Variants in P2RX7 observed in about 807,000 individuals in gnomAD.
The protein encoded by P2RX7 is purinergic receptor P2X 7.
Under a neutral mutation model 71.6 loss-of-function variants are expected in P2RX7, and 62 were observed. The observed-to-expected ratio is 0.87, with a 90% confidence interval of 0.71 to 1.07. The LOEUF is 1.07. P2RX7 is among the 50% of genes least tolerant of loss of function. The probability of loss-of-function intolerance (pLI) is 0.00; values close to 1 mark genes in which losing one functional copy is unlikely to be tolerated. For missense variants in P2RX7, 686 were observed against 748.5 expected (o/e 0.92, Z 0.97); for synonymous variants, 299 against 283.3 (o/e 1.06, Z -0.56).
intron 3 of P2RX7, among the ~76,000 whole-genome samples, chr12:121,157,168 G>A (rs1005347739): frequency 6.6e-6 from 1 of 152,074 alleles, no homozygotes; most frequent in Non-Finnish European, 1.5e-5. Context: ...GCTGTACCAG[G>A]GACCATTTCC....
At chr12:121,133,704 AC>A (rs1872915127) in intron 1 of P2RX7, among the ~76,000 whole-genome samples, 1 of 152,178 alleles carries the variant, frequency 6.6e-6, no homozygotes, top group Admixed American at 6.5e-5. Flanking sequence ...AAGGAATCCC[AC>A]ACTCCTTCAC....
chr12:121,167,957 C>T (rs533325817), intron 8 of P2RX7, among the ~76,000 whole-genome samples: 10 of 151,780 alleles, frequency 6.6e-5, no homozygotes, highest in South Asian at 2.1e-4. Flanking sequence ...AGATTATAGG[C>T]GGATGCACAC....
chr12:121,178,504 G>A (rs1371438199), intron 11 of P2RX7, among the ~76,000 whole-genome samples: 3 of 152,034 alleles, frequency 2.0e-5, no homozygotes, highest in African/African-American at 7.2e-5. Flanking sequence ...TAAATAATTG[G>A]CCCAAGGCTG....
At chr12:121,180,702 C>T (rs2136161370) in intron 12 of P2RX7, among the ~76,000 whole-genome samples, 1 of 152,194 alleles carries the variant, frequency 6.6e-6, no homozygotes, top group Admixed American at 6.5e-5. Flanking sequence ...GTGGCTCACA[C>T]CTGCAATCCC....
At position 121,154,770 on chromosome 12, in the gene P2RX7, A is replaced by G. The variant is rs778581720; in HGVS notation, c.126-15A>G. 6.3e-7 allele frequency: 1 copy of G among 1,575,346 alleles called. No individual in the cohort carries two copies. Among genetic ancestry groups the G allele is most frequent in the Admixed American group, 1.7e-5 (1 of 59,954 alleles). Reference sequence around the variant, plus strand: ...CTATGCCTCCCGTTGATGCTTTCCCATGTCTGCCATTTAGCTTTGCTCTGG... The same window carrying G: ...CTATGCCTCCCGTTGATGCTTTCCCGTGTCTGCCATTTAGCTTTGCTCTGG... On this transcript the variant is annotated splice_polypyrimidine_tract_variant and intron_variant, in intron 1 of 12. Transcript: ENST00000328963. This position sits in a 1 kb window ranked among gnomAD's most constrained non-coding sequence, Gnocchi z 4.2.
At chr12:121,160,101 C>CA (rs955461415) in intron 3 of P2RX7, among the ~76,000 whole-genome samples, 4 of 149,610 alleles carry the variant, frequency 2.7e-5, no homozygotes, top group Non-Finnish European at 5.9e-5. Flanking sequence ...TTCTTTCTTT[C>CA]TTTTTTTTTC....
intron 9 of P2RX7, among the ~76,000 whole-genome samples, chr12:121,175,870 C>T (rs1311531820): frequency 2.0e-5 from 3 of 152,006 alleles, no homozygotes; most frequent in African/African-American, 7.2e-5. Context: ...TTTTAAGCTA[C>T]AAGCATGGTT....
intron 8 of P2RX7, among the ~76,000 whole-genome samples, chr12:121,172,034 T>C (rs1170216678): frequency 6.6e-6 from 1 of 152,018 alleles, no homozygotes; most frequent in Non-Finnish European, 1.5e-5. Flanking sequence ...GCTAATTTTT[T>C]GCATTTTTAG....
chr12:121,155,797 A>C (rs3886929), intron 2 of P2RX7, among the ~76,000 whole-genome samples: 8,678 of 151,022 alleles, frequency 0.057, 298 homozygotes, highest in Non-Finnish European at 0.081. Context: ...CTGCGTAAAA[A>C]AAAAACAAAA....
At chr12:121,133,906 AAG>A (rs1872951113) in intron 1 of P2RX7, among the ~76,000 whole-genome samples, 1 of 152,030 alleles carries the variant, frequency 6.6e-6, no homozygotes, top group South Asian at 2.1e-4. Context: ...TTTTTTTTTA[AAG>A]AGACGGGGTC....
chr12:121,136,023 A>AATAT (rs1555222078), intron 1 of P2RX7, among the ~76,000 whole-genome samples: 2,050 of 15,292 alleles, frequency 0.13, 314 homozygotes, highest in Non-Finnish European at 0.27. Flanking sequence ...AAAAAAAAAA[A>AATAT]ATATATATAT....
chr12:121,169,156 C>T (rs1021650907), intron 8 of P2RX7, among the ~76,000 whole-genome samples: 1 of 151,968 alleles, frequency 6.6e-6, no homozygotes, highest in African/African-American at 2.4e-5. Flanking sequence ...TTTGTAGAGT[C>T]GGGGTCTCAC....
chr12:121,182,061 TAAAA>T (rs57873643), intron 12 of P2RX7, among the ~76,000 whole-genome samples: 1 of 128,936 alleles, frequency 7.8e-6, no homozygotes, highest in Non-Finnish European at 1.7e-5. Flanking sequence ...AAGCTCCATC[TAAAA>T]AAAAAAAAAA....
intron 1 of P2RX7, among the ~76,000 whole-genome samples, chr12:121,145,047 G>A (rs1360139570): frequency 2.0e-5 from 3 of 152,128 alleles, no homozygotes; most frequent in African/African-American, 7.2e-5. Context: ...CTGAGATGTA[G>A]GTTTCTATAT....
intron 5 of P2RX7, among the ~76,000 whole-genome samples, chr12:121,164,322 T>A (rs1366935875): frequency 6.6e-6 from 1 of 152,236 alleles, no homozygotes; most frequent in African/African-American, 2.4e-5. Context: ...GATATTTATT[T>A]CATACGTAAC....
chr12:121,150,488 G>A (rs529973308), intron 1 of P2RX7, among the ~76,000 whole-genome samples: 1 of 152,332 alleles, frequency 6.6e-6, no homozygotes, highest in African/African-American at 2.4e-5. Flanking sequence ...GGGCTGAAAT[G>A]TATTAATGAG....
rs200465058 is a variant in P2RX7, at chr12:121,180,348, T to C, written c.1189-6T>C. Reference sequence around the variant, plus strand: ...ATGGGTAAACTTTCAAACCATCTTTTCCTAGACATTAAAGTATGTGTCCTT... The same window carrying C: ...ATGGGTAAACTTTCAAACCATCTTTCCCTAGACATTAAAGTATGTGTCCTT... On this transcript the variant is annotated splice_region_variant and splice_polypyrimidine_tract_variant and intron_variant, in intron 11 of 12. Coordinates refer to ENST00000328963, the MANE Select transcript of P2RX7 (RefSeq NM_002562.6). 5 of 1,525,118 alleles carry C rather than the reference T, an allele frequency of 3.3e-6. No homozygotes were observed. In the African/African-American group the frequency reaches 4.2e-5, roughly 13 times the overall value. 94.5% of individuals were successfully genotyped at this position (1,525,118 alleles called of 1,614,324 possible). A position where few individuals can be genotyped will look rare whatever the true frequency, so the allele number is the denominator to read the frequency against.
chr12:121,145,445 G>T (rs563857660), intron 1 of P2RX7, among the ~76,000 whole-genome samples: 11 of 152,244 alleles, frequency 7.2e-5, no homozygotes, highest in Non-Finnish European at 1.6e-4. Flanking sequence ...AGAGTGGGTA[G>T]AGGAGTGAGT....
chr12:121,156,050 G>T, intron 2 of P2RX7, 29 bp from the exon 3 acceptor site: 1 of 1,592,134 alleles, frequency 6.3e-7, no homozygotes, highest in Non-Finnish European at 8.6e-7. Context: ...CAAAGGCCTT[G>T]CATTTTCTTA....
Sources: allele counts gnomAD v4.1 joint callset (sites outside exome capture counted in the v4.1 genomes callset), GRCh38; gene constraint gnomAD v4.1.1; non-coding constraint Gnocchi (gnomAD v3.1); transcripts MANE v1.5; gene names NCBI Gene and HGNC (gene_info 2026-07-23, HGNC 2026-07-21).